CEP164: variants seen among roughly 807,000 people sequenced by gnomAD.
The protein encoded by CEP164 is centrosomal protein of 164 kDa.
Under a neutral mutation model 182.7 loss-of-function variants are expected in CEP164, and 162 were observed. The ratio of observed to expected loss-of-function variants is 0.89; its 90% CI spans 0.78 to 1.01. CEP164 has a LOEUF of 1.01. CEP164 is among the 50% of genes least tolerant of loss of function. The pLI is 0.00. For synonymous variants in CEP164, 661 were observed against 690.0 expected, an observed-to-expected ratio of 0.96 and a Z score of 0.66; for missense variants, 1,735 against 1,790.4, an observed-to-expected ratio of 0.97 and a Z score of 0.56.
chr11:117,396,398 C>A, intron 25 of CEP164, 152 bp from the exon 26 acceptor site: 1 of 793,020 alleles, frequency 1.3e-6, no homozygotes, highest in Admixed American at 2.0e-5. Flanking sequence ...CCAGTCGTCT[C>A]CACCAGTCAG....
rs144767290 is a variant in CEP164 at position 117,371,258 on chromosome 11, A to G, written c.944A>G (p.Glu315Gly). Reference protein sequence around the residue: ...GARPGLPEKEENEKSEPKICR... With the variant: ...GARPGLPEKEGNEKSEPKICR... ...AGACCTGGTCTTCCAGAAAAAGAGG[A>G]AAATGAGAAGAGTGAACCTAAGATT... The change falls in exon 9 of 33, where the codon GAA (glutamate) becomes GGA (glycine). Residue 315 changes from glutamate (E) to glycine (G), a missense_variant. Physicochemically the swap from Glu to Gly is moderately conservative, Grantham distance 98 (BLOSUM62 -2). Transcript: ENST00000278935. 1.9e-5 allele frequency: 30 copies of G among 1,614,132 alleles called. No individual in the cohort carries two copies. The African/African-American group carries it at 3.6e-4, about 19-fold the overall frequency.
At chr11:117,335,054 TCTC>T (rs539720346) in intron 1 of CEP164, among the ~76,000 whole-genome samples, 43 of 152,242 alleles carry the variant, frequency 2.8e-4, no homozygotes, top group Non-Finnish European at 5.6e-4. Context: ...CCTTTTTTCT[TCTC>T]CTCTCCCTAA....
In CEP164 at chr11:117,380,488, G is replaced by A. The variant is rs563778967; in HGVS notation, c.1318-126G>A. On this transcript the variant is annotated intron_variant, in intron 11 of 32. Transcript: ENST00000278935. ...AGATCAACCTTCTGTTCTACGTCCC[G>A]TATGGTCCCATCTTCTGGAGAGCAA... The A allele has an allele frequency of 8.2e-5, 59 of 720,350 alleles. No homozygotes were observed. In the East Asian group the frequency reaches 1.2e-3, roughly 14 times the overall value. 44.6% of individuals were successfully genotyped at this position (720,350 alleles called of 1,614,324 possible).
intron 5 of CEP164, chr11:117,356,158 C>T (rs2040270493): frequency 1.9e-6 from 2 of 1,044,420 alleles, no homozygotes; most frequent in South Asian, 6.0e-5. Context: ...AACACTTCAG[C>T]CCCTTCTTAG....
chr11:117,362,302 TG>T, intron 6 of CEP164, 101 bp from the exon 7 acceptor site: 1 of 1,313,216 alleles, frequency 7.6e-7, no homozygotes, highest in Non-Finnish European at 1.1e-6. Context: ...TGGTGGCACT[TG>T]ATCTGGGAGA....
intron 1 of CEP164, among the ~76,000 whole-genome samples, chr11:117,330,478 A>G (rs552715564): frequency 6.6e-6 from 1 of 152,122 alleles, no homozygotes; most frequent in Non-Finnish European, 1.5e-5. Context: ...GTGAAACCCC[A>G]TCTCTACTAA....
At chr11:117,349,293 CTG>C (rs2039334208) in intron 4 of CEP164, among the ~76,000 whole-genome samples, 1 of 152,160 alleles carries the variant, frequency 6.6e-6, no homozygotes, top group Non-Finnish European at 1.5e-5. Context: ...GTGTGAACCA[CTG>C]TGCCCAGCCC....
At chr11:117,390,660 T>C in intron 15 of CEP164, 117 bp from the exon 16 acceptor site, 1 of 1,297,252 alleles carries the variant, frequency 7.7e-7, no homozygotes, top group Non-Finnish European at 1.1e-6. Flanking sequence ...AAAAAAAAGA[T>C]TTAGGAAGTT....
Position 117,368,925 on chromosome 11 carries a change from C to T in CEP164, c.766-2155C>T, listed in dbSNP as rs562782581. On this transcript the variant is annotated intron_variant, in intron 8 of 32. Coordinates refer to ENST00000278935, the MANE Select transcript of CEP164 (RefSeq NM_014956.5). ...ATGCTGCCAAGGCGTGAGCTTCCTT[C>T]GTGCCTTCTCTACTTTCCCTTCTGC... Among the ~76,000 whole-genome samples the T allele has an allele frequency of 3.7e-4, 57 of 152,306 alleles. 2 individuals carry two copies. In the South Asian group the frequency reaches 8.1e-3, roughly 22 times the overall value.
chr11:117,380,395 G>T (rs2043190279), intron 11 of CEP164, among the ~76,000 whole-genome samples: 1 of 152,124 alleles, frequency 6.6e-6, no homozygotes, highest in South Asian at 2.1e-4. Flanking sequence ...ATCTTCCCCA[G>T]GCCTCAAGGC....
chr11:117,366,502 G>A (rs1053525865), intron 8 of CEP164, among the ~76,000 whole-genome samples: 3 of 152,168 alleles, frequency 2.0e-5, no homozygotes, highest in African/African-American at 4.8e-5. Context: ...TGAACAGGGC[G>A]AGCAAATCCA....
rs573135006 is a variant in CEP164 at position 117,396,029 on chromosome 11, C to T, written c.3090-25C>T. 6.8e-6 allele frequency: 11 copies of T among 1,613,944 alleles called. No homozygotes were observed. In the Admixed American group the frequency reaches 1.8e-4, roughly 27 times the overall value. On this transcript the variant is annotated intron_variant, in intron 24 of 32. Transcript: ENST00000278935. Reference sequence around the variant, plus strand: ...CCCCCATCGCCAGCCGCTGCCCTGCCTCTCACTCATCTTTCCTTCCACAGC... The same window carrying T: ...CCCCCATCGCCAGCCGCTGCCCTGCTTCTCACTCATCTTTCCTTCCACAGC...
chr11:117,352,366 CTT>C (rs1249132711), intron 5 of CEP164, among the ~76,000 whole-genome samples: 1 of 152,134 alleles, frequency 6.6e-6, no homozygotes, highest in African/African-American at 2.4e-5. Flanking sequence ...GTGAAGTGTC[CTT>C]TCTCTTTATT....
intron 13 of CEP164, 76 bp from the exon 14 acceptor site, chr11:117,382,720 A>T: frequency 6.5e-7 from 1 of 1,528,224 alleles, no homozygotes; most frequent in South Asian, 1.2e-5. Flanking sequence ...TAGCTCTTTG[A>T]CCCCAAATGG....
At chr11:117,329,215 G>A (rs557052090) in intron 1 of CEP164, among the ~76,000 whole-genome samples, 1 of 152,040 alleles carries the variant, frequency 6.6e-6, no homozygotes, top group South Asian at 2.1e-4. Context: ...TCCCACCTCA[G>A]TCTCCTTAGT....
intron 6 of CEP164, 29 bp downstream of exon 6, chr11:117,362,022 T>C (rs1378675904): frequency 6.5e-7 from 1 of 1,528,554 alleles, no homozygotes; most frequent in Non-Finnish European, 8.8e-7. Context: ...GTTCAGTGTC[T>C]GTAGTTCCTG....
intron 3 of CEP164, among the ~76,000 whole-genome samples, chr11:117,341,348 C>CA (rs918842081): frequency 5.3e-4 from 81 of 152,264 alleles, no homozygotes; most frequent in African/African-American, 1.9e-3. Flanking sequence ...TTTAGTCCCC[C>CA]CGCATCCCCA....
At chr11:117,387,456 G>A (rs1437133386) in intron 15 of CEP164, 44 bp downstream of exon 15, 1 of 1,587,802 alleles carries the variant, frequency 6.3e-7, no homozygotes, top group Non-Finnish European at 8.6e-7. Flanking sequence ...GCCTTTCAGG[G>A]ATGTGAGGAG....
At chr11:117,333,015 T>G (rs566877394) in intron 1 of CEP164, among the ~76,000 whole-genome samples, 2 of 152,034 alleles carry the variant, frequency 1.3e-5, no homozygotes, top group South Asian at 4.2e-4. Flanking sequence ...TGCATTCTCA[T>G]TTATTGATTT....
Sources: gnomAD v4.1 joint callset for allele counts (sites outside exome capture counted in the v4.1 genomes callset) on GRCh38, gnomAD v4.1.1 for gene constraint, MANE v1.5 for transcripts, NCBI Gene and HGNC (gene_info 2026-07-23, HGNC 2026-07-21) for gene names.